Variants in LDLRAD4 observed in about 807,000 individuals in gnomAD.
The protein encoded by LDLRAD4 is low density lipoprotein receptor class A domain containing 4.
In LDLRAD4, 5 loss-of-function variants were observed where a neutral mutation model predicts 17.0. That is an observed-to-expected ratio of 0.29 (90% CI 0.15 to 0.62). The LOEUF (loss-of-function observed/expected upper bound fraction) is 0.62. Ranked by LOEUF, LDLRAD4 falls within the 20% of genes least tolerant of loss-of-function variation. The pLI, the probability that LDLRAD4 is intolerant of heterozygous loss-of-function variation, is 0.84. For missense variants in LDLRAD4, 340 were observed against 424.7 expected, an observed-to-expected ratio of 0.80 and a Z score of 1.75; for synonymous variants, 168 against 171.8, an observed-to-expected ratio of 0.98 and a Z score of 0.17.
intron 3 of LDLRAD4, chr18:13,611,208 C>T (rs1364084951): frequency 1.3e-5 from 2 of 154,608 alleles, no homozygotes; most frequent in African/African-American, 4.8e-5. Flanking sequence ...GTCCTGGCTT[C>T]TAACGCTGGT....
At chr18:13,282,491 A>G (rs2045340767) in intron 1 of LDLRAD4, among the ~76,000 whole-genome samples, 2 of 152,214 alleles carry the variant, frequency 1.3e-5, no homozygotes, top group African/African-American at 2.4e-5. Flanking sequence ...AAGGGGCTAC[A>G]GGGCCTATGC....
intron 2 of LDLRAD4, among the ~76,000 whole-genome samples, chr18:13,433,470 C>T (rs180791760): frequency 2.6e-5 from 4 of 152,250 alleles, no homozygotes; most frequent in East Asian, 1.9e-4. Flanking sequence ...TGACTGAGAT[C>T]GTATCTGTGA....
At chr18:13,260,439 T>C (rs1418783594) in intron 1 of LDLRAD4, among the ~76,000 whole-genome samples, 1 of 152,238 alleles carries the variant, frequency 6.6e-6, no homozygotes, top group East Asian at 1.9e-4. Flanking sequence ...ATGCCTTAAA[T>C]GTATTAGGGT....
At chr18:13,253,745 A>C (rs1287138785) in intron 1 of LDLRAD4, among the ~76,000 whole-genome samples, 4 of 152,198 alleles carry the variant, frequency 2.6e-5, no homozygotes, top group African/African-American at 9.7e-5. Flanking sequence ...TTTTCATTAG[A>C]ATTAAGCTTA....
Position 13,228,513 on chromosome 18 carries a change from C to G in LDLRAD4, c.-467+9525C>G, listed in dbSNP as rs190909718. 1.7e-4 allele frequency among the ~76,000 whole-genome samples: 26 copies of G among 152,186 alleles called. 1 individual carries two copies. Among genetic ancestry groups the G allele is most frequent in the Non-Finnish European group, 2.4e-4 (16 of 68,010 alleles). ...ACAGTCCCTGCTTTCCTAGTGGGGACGGGAGGCCTTCTGGATACAATGTGT... is the reference window on the plus strand; with the variant it reads ...ACAGTCCCTGCTTTCCTAGTGGGGAGGGGAGGCCTTCTGGATACAATGTGT... On this transcript the variant is annotated intron_variant, in intron 1 of 5. Transcript: ENST00000399848.
At chr18:13,369,686 A>C (rs2084318334) in intron 1 of LDLRAD4, among the ~76,000 whole-genome samples, 1 of 152,206 alleles carries the variant, frequency 6.6e-6, no homozygotes, top group African/African-American at 2.4e-5. Flanking sequence ...CCGCCCCTGC[A>C]CTGCAGCACC....
intron 3 of LDLRAD4, among the ~76,000 whole-genome samples, chr18:13,463,313 G>C (rs1158280398): frequency 6.6e-6 from 1 of 152,046 alleles, no homozygotes; most frequent in Non-Finnish European, 1.5e-5. Flanking sequence ...AGGCCATGCT[G>C]CCTGCCCACC....
exon 6 of LDLRAD4, chr18:13,647,682 T>G (rs2043066873): frequency 6.6e-6 from 1 of 152,312 alleles, no homozygotes; most frequent in South Asian, 2.1e-4. Context: ...ATTCATCCTT[T>G]GCACACAGTA....
chr18:13,343,110 T>C (rs1356016678), intron 1 of LDLRAD4, among the ~76,000 whole-genome samples: 1 of 152,132 alleles, frequency 6.6e-6, no homozygotes, highest in African/African-American at 2.4e-5. Flanking sequence ...TACTTTAAAT[T>C]TTAGGGTACA....
At position 13,292,930 on chromosome 18, in the gene LDLRAD4, G is replaced by A. The variant is rs139090663; in HGVS notation, c.-383+14742G>A. ...GATGCCCGGAAATGAGACGATGACG[G>A]AGGCCATGCGGATTCCACGAGTTCA... On this transcript the variant is annotated intron_variant, in intron 1 of 5. Coordinates refer to ENST00000359446, the Ensembl canonical transcript of LDLRAD4. Among the ~76,000 whole-genome samples the A allele has an allele frequency of 7.2e-4, 109 of 152,344 alleles. 1 individual carries two copies. Among genetic ancestry groups the A allele is most frequent in the Middle Eastern group, 3.4e-3 (1 of 294 alleles).
intron 3 of LDLRAD4, among the ~76,000 whole-genome samples, chr18:13,559,699 CCAA>C (rs1413757654): frequency 6.6e-6 from 1 of 152,136 alleles, no homozygotes; most frequent in Non-Finnish European, 1.5e-5. Context: ...TGTCTAGAGA[CCAA>C]CATCACACTC....
chr18:13,571,613 T>C (rs1174348957), intron 3 of LDLRAD4, among the ~76,000 whole-genome samples: 1 of 152,150 alleles, frequency 6.6e-6, no homozygotes, highest in African/African-American at 2.4e-5. Flanking sequence ...AAAAATGATA[T>C]AGAGCAATTA....
intron 4 of LDLRAD4, among the ~76,000 whole-genome samples, chr18:13,629,699 A>T (rs1035639746): frequency 6.6e-6 from 1 of 152,110 alleles, no homozygotes; most frequent in African/African-American, 2.4e-5. Flanking sequence ...TATATAAGGT[A>T]TTAGCATTAA....
intron 1 of LDLRAD4, among the ~76,000 whole-genome samples, chr18:13,346,232 C>T (rs1004471350): frequency 6.6e-6 from 1 of 152,114 alleles, no homozygotes; most frequent in Non-Finnish European, 1.5e-5. Flanking sequence ...ATAAGTTTCC[C>T]TCTACACACT....
chr18:13,327,955 A>G (rs1463394387), intron 1 of LDLRAD4, among the ~76,000 whole-genome samples: 1 of 152,188 alleles, frequency 6.6e-6, no homozygotes, highest in Non-Finnish European at 1.5e-5. Flanking sequence ...AGGGGCACCC[A>G]AAGAAACCTT....
chr18:13,612,827 T>C, intron 3 of LDLRAD4: 1 of 1,607,684 alleles, frequency 6.2e-7, no homozygotes, highest in Non-Finnish European at 8.5e-7. Flanking sequence ...GGGTTTGCTG[T>C]GGTTCTTCTT....
upstream of LDLRAD4, among the ~76,000 whole-genome samples, chr18:13,277,023 A>G (rs2044917865): frequency 6.6e-6 from 1 of 152,228 alleles, no homozygotes; most frequent in Admixed American, 6.5e-5. Flanking sequence ...ATCTCTCAGC[A>G]GGCAGGAAAC....
At chr18:13,438,473 T>G (rs988134635) in intron 3 of LDLRAD4, 89 bp downstream of exon 4, 2 of 1,027,152 alleles carry the variant, frequency 1.9e-6, no homozygotes, top group Admixed American at 2.1e-5. Context: ...GGAAGGAGGT[T>G]GTTTTCTGGT....
intron 1 of LDLRAD4, among the ~76,000 whole-genome samples, chr18:13,228,006 G>A (rs1234845991): frequency 6.6e-6 from 1 of 152,196 alleles, no homozygotes; most frequent in Non-Finnish European, 1.5e-5. Context: ...AGGTGCAGAC[G>A]GCAGAAGCTC....
Sources: gnomAD v4.1 joint callset for allele counts (sites outside exome capture counted in the v4.1 genomes callset) on GRCh38, gnomAD v4.1.1 for gene constraint, MANE v1.5 for transcripts, NCBI Gene and HGNC (gene_info 2026-07-23, HGNC 2026-07-21) for gene names.